SLC35F1: variants seen among roughly 807,000 people sequenced by gnomAD.
SLC35F1 encodes the protein chromosome 6 open reading frame 169.
Under a neutral mutation model 48.7 loss-of-function variants are expected in SLC35F1, and 14 were observed. That is an observed-to-expected ratio of 0.29 (90% confidence interval 0.19 to 0.45). The LOEUF is 0.45. Among genes scored for constraint, SLC35F1 ranks in the 20% least tolerant of loss-of-function variants. SLC35F1 has a pLI of 1.00. For missense variants in SLC35F1, 404 were observed against 500.0 expected (o/e 0.81, Z 1.83); for synonymous variants, 190 against 202.2 (o/e 0.94, Z 0.51).
intron 1 of SLC35F1, among the ~76,000 whole-genome samples, chr6:118,081,263 C>A (rs1772903657): frequency 6.6e-6 from 1 of 152,054 alleles, no homozygotes; most frequent in African/African-American, 2.4e-5. Flanking sequence ...CAAAAATGCT[C>A]ACAGAAAAAA....
At chr6:118,275,732 C>T in intron 5 of SLC35F1, 117 bp downstream of exon 5, 1 of 873,116 alleles carries the variant, frequency 1.1e-6, no homozygotes, top group East Asian at 2.7e-5. Flanking sequence ...GCTTCCTGTA[C>T]AAAGGACTTA....
At chr6:118,168,050 G>A (rs1774344531) in intron 2 of SLC35F1, among the ~76,000 whole-genome samples, 2 of 152,138 alleles carry the variant, frequency 1.3e-5, no homozygotes, top group South Asian at 4.1e-4. Context: ...TTCTTCAGTT[G>A]TTCACATGCA....
chr6:117,959,186 A>G (rs1006419421), intron 1 of SLC35F1, among the ~76,000 whole-genome samples: 2 of 152,190 alleles, frequency 1.3e-5, no homozygotes, highest in Non-Finnish European at 2.9e-5. Context: ...GTTCCCTTGA[A>G]CAGTGTGACA....
intron 1 of SLC35F1, among the ~76,000 whole-genome samples, chr6:118,067,472 T>C (rs1051866092): frequency 5.9e-5 from 9 of 152,030 alleles, no homozygotes; most frequent in Non-Finnish European, 1.3e-4. Context: ...GAAAGCCCCA[T>C]ACATAAGGTG....
At chr6:118,235,789 T>G (rs1775357290) in intron 3 of SLC35F1, among the ~76,000 whole-genome samples, 153 bp downstream of exon 3, 1 of 152,160 alleles carries the variant, frequency 6.6e-6, no homozygotes, top group Middle Eastern at 3.2e-3. Context: ...ATACTATAAG[T>G]CTATGAGTTT....
intron 1 of SLC35F1, among the ~76,000 whole-genome samples, chr6:118,090,730 CTG>C (rs1773060807): frequency 6.6e-6 from 1 of 152,124 alleles, no homozygotes; most frequent in African/African-American, 2.4e-5. Context: ...GAGTTTAACT[CTG>C]TGAGAAATCA....
chr6:118,126,808 C>T (rs1454587044), intron 1 of SLC35F1, among the ~76,000 whole-genome samples: 1 of 151,722 alleles, frequency 6.6e-6, no homozygotes, highest in Non-Finnish European at 1.5e-5. Flanking sequence ...ATAAGAATGC[C>T]TGTGATTTTT....
intron 1 of SLC35F1, among the ~76,000 whole-genome samples, chr6:117,992,291 G>A (rs565759707): frequency 1.3e-5 from 2 of 152,008 alleles, no homozygotes; most frequent in Admixed American, 1.3e-4. Context: ...CATTTCTTGA[G>A]TTTGGGAAAT....
chr6:118,029,425 C>T (rs953198524), intron 1 of SLC35F1, among the ~76,000 whole-genome samples: 5 of 152,038 alleles, frequency 3.3e-5, no homozygotes, highest in Non-Finnish European at 5.9e-5. Context: ...CCATGTATTG[C>T]TAGAATTGTT....
At chr6:118,097,489 G>C (rs1217356180) in intron 1 of SLC35F1, among the ~76,000 whole-genome samples, 1 of 152,120 alleles carries the variant, frequency 6.6e-6, no homozygotes, top group East Asian at 1.9e-4. Flanking sequence ...TTGTGACTTG[G>C]GGGTGTGCAT....
At chr6:118,208,935 G>C (rs926467740) in intron 2 of SLC35F1, among the ~76,000 whole-genome samples, 15 of 152,170 alleles carry the variant, frequency 9.9e-5, no homozygotes, top group African/African-American at 3.4e-4. Context: ...CCTCCCCAAG[G>C]TGGGTCATAG....
chr6:118,056,629 AC>A (rs1772467431), intron 1 of SLC35F1, among the ~76,000 whole-genome samples: 2 of 152,184 alleles, frequency 1.3e-5, no homozygotes, highest in Admixed American at 1.3e-4. Flanking sequence ...CAAAATAACC[AC>A]AGCCAACTCT....
At chr6:117,949,544 A>G (rs1180251120) in intron 1 of SLC35F1, among the ~76,000 whole-genome samples, 1 of 152,068 alleles carries the variant, frequency 6.6e-6, no homozygotes. Flanking sequence ...TTTATGTGAG[A>G]CGCCCTTGTG....
In SLC35F1 at chr6:118,146,831, G is replaced by C. The variant is rs1351172912; in HGVS notation, c.174-7614G>C. Among the ~76,000 whole-genome samples, 4 of 151,910 alleles carry C rather than the reference G, an allele frequency of 2.6e-5. No individual in the cohort carries two copies. In the South Asian group the frequency reaches 8.4e-4, roughly 32 times the overall value. ...ACATAATAAATGAATAAACATTGCG[G>C]GTAACTTGGCTACCAAAGAGTTTAA... On this transcript the variant is annotated intron_variant, in intron 1 of 7. Transcript: ENST00000360388.
intron 1 of SLC35F1, among the ~76,000 whole-genome samples, chr6:118,122,385 G>T (rs1291008459): frequency 1.3e-5 from 2 of 152,110 alleles, no homozygotes; most frequent in East Asian, 3.9e-4. Context: ...TTGCTGAAAT[G>T]AAAGAATTCA....
At chr6:118,020,530 A>G (rs1015743046) in intron 1 of SLC35F1, among the ~76,000 whole-genome samples, 3 of 152,232 alleles carry the variant, frequency 2.0e-5, no homozygotes, top group Admixed American at 6.5e-5. Context: ...GTGAAGGCAA[A>G]TGATCACAAA....
intron 1 of SLC35F1, among the ~76,000 whole-genome samples, chr6:117,995,663 C>A (rs963393980): frequency 6.6e-6 from 1 of 152,046 alleles, no homozygotes; most frequent in African/African-American, 2.4e-5. Flanking sequence ...ATTGCTTGAA[C>A]CCGGGAGCTG....
intron 1 of SLC35F1, among the ~76,000 whole-genome samples, chr6:117,984,441 G>C (rs1006871237): frequency 8.0e-5 from 12 of 149,384 alleles, no homozygotes; most frequent in African/African-American, 3.0e-4. Flanking sequence ...CGAGCTTGTA[G>C]TGAGCCGAGA....
intron 2 of SLC35F1, among the ~76,000 whole-genome samples, chr6:118,157,486 G>A (rs931729515): frequency 6.6e-6 from 1 of 152,148 alleles, no homozygotes; most frequent in African/African-American, 2.4e-5. Flanking sequence ...ACAAGGTGAA[G>A]TCCCACAATA....
Sources: allele counts gnomAD v4.1 joint callset (sites outside exome capture counted in the v4.1 genomes callset), GRCh38; gene constraint gnomAD v4.1.1; transcripts MANE v1.5; gene names NCBI Gene and HGNC (gene_info 2026-07-23, HGNC 2026-07-21).